Variants in SCN8A observed in about 807,000 individuals in gnomAD.
SCN8A encodes the protein sodium channel protein type 8 subunit alpha.
SCN8A carries 30 observed loss-of-function variants against 184.1 expected under a neutral mutation model. That is an observed-to-expected ratio of 0.16 (90% confidence interval 0.12 to 0.22). The LOEUF (loss-of-function observed/expected upper bound fraction) is 0.22. Among genes scored for constraint, SCN8A ranks in the 10% least tolerant of loss-of-function variants. The pLI is 1.00. For missense variants in SCN8A, 1,057 were observed against 2,498.9 expected (o/e 0.42, Z 12.30); for synonymous variants, 852 against 907.0 (o/e 0.94, Z 1.09).
intron 15 of SCN8A, 110 bp downstream of exon 15, chr12:51,762,786 C>A: frequency 2.0e-6 from 2 of 980,564 alleles, no homozygotes; most frequent in Non-Finnish European, 2.8e-6. Context: ...CTGTATTTTA[C>A]TCCCAATTCC....
chr12:51,769,624 C>T (rs974438717), intron 17 of SCN8A, among the ~76,000 whole-genome samples: 23 of 152,178 alleles, frequency 1.5e-4, no homozygotes, highest in Admixed American at 1.3e-3. Context: ...GCCCTGAAAC[C>T]AACCTATAGC....
intron 2 of SCN8A, among the ~76,000 whole-genome samples, chr12:51,674,402 G>A (rs910790318): frequency 1.3e-5 from 2 of 151,844 alleles, no homozygotes; most frequent in Non-Finnish European, 2.9e-5. Context: ...GCACAGTCTC[G>A]GCTCACTGCA....
At chr12:51,757,095 C>G (rs893415230) in intron 14 of SCN8A, among the ~76,000 whole-genome samples, 2 of 151,978 alleles carry the variant, frequency 1.3e-5, no homozygotes, top group Non-Finnish European at 2.9e-5. Flanking sequence ...TTGTTCTGTC[C>G]CCTCCTGGTT....
rs201402959 is a variant in SCN8A at position 51,705,431 on chromosome 12, C to A, written c.1149C>A (p.Ala383=). ...TGTCTTTGCAGACTTTACGAGCAGCCGGGAAAACATACATGATCTTCTTCG... is the reference window on the plus strand; with the variant it reads ...TGTCTTTGCAGACTTTACGAGCAGCAGGGAAAACATACATGATCTTCTTCG... ...ENLYQLTLRA[A]GKTYMIFFVL... Residue 383 remains alanine, a synonymous_variant, in exon 10 of 27, where the codon GCC becomes GCA. Coordinates refer to ENST00000627620, the MANE Select transcript of SCN8A (RefSeq NM_001330260.2). 1 of 1,613,786 alleles carries A rather than the reference C, an allele frequency of 6.2e-7. No individual in the cohort carries two copies. Among genetic ancestry groups the A allele is most frequent in the African/African-American group, 1.3e-5 (1 of 75,004 alleles).
chr12:51,662,388 G>C (rs1173282335), intron 1 of SCN8A, among the ~76,000 whole-genome samples: 1 of 152,134 alleles, frequency 6.6e-6, no homozygotes, highest in Admixed American at 6.5e-5. Context: ...AGGAAAGGAA[G>C]GTGACTTGAA....
At chr12:51,701,893 C>T (rs554493411) in intron 8 of SCN8A, among the ~76,000 whole-genome samples, 1 of 152,198 alleles carries the variant, frequency 6.6e-6, no homozygotes, top group African/African-American at 2.4e-5. Flanking sequence ...CATTTAATTT[C>T]TGTATTAGAC....
At chr12:51,746,114 G>A in intron 13 of SCN8A, 79 bp downstream of exon 13, 1 of 1,360,420 alleles carries the variant, frequency 7.4e-7, no homozygotes, top group South Asian at 2.0e-5. Context: ...CCTGTCCCTT[G>A]GTCTGAGTTT....
chr12:51,688,950 T>C, intron 5 of SCN8A, 55 bp from the exon 6 acceptor site: 1 of 1,580,268 alleles, frequency 6.3e-7, no homozygotes, highest in Non-Finnish European at 8.7e-7. Context: ...CTTTGGTGTT[T>C]GTGTTTGTGT....
intron 1 of SCN8A, among the ~76,000 whole-genome samples, chr12:51,645,183 C>T (rs1266270665): frequency 6.1e-5 from 9 of 147,024 alleles, no homozygotes; most frequent in East Asian, 2.1e-4. Context: ...CCCGGCCAGC[C>T]GCCCTGTCCG....
At position 51,637,803 on chromosome 12, in the gene SCN8A, C is replaced by T. The variant is rs536407642; in HGVS notation, c.-54-24961C>T. Among the ~76,000 whole-genome samples the T allele has an allele frequency of 1.6e-4, 25 of 152,242 alleles. 1 individual carries two copies. The highest frequency in any genetic ancestry group is 3.4e-3 in the Middle Eastern group (1 of 294). The stretch of plus-strand genomic sequence containing the variant: ...TCTAGCTAAGATCATTAATTGATGA[C>T]GGTGACCATACTAAACAATGGATTT... On this transcript the variant is annotated intron_variant, in intron 1 of 26. Coordinates refer to ENST00000627620, the MANE Select transcript of SCN8A (RefSeq NM_001330260.2).
chr12:51,736,544 A>AG (rs1478061491), intron 12 of SCN8A, among the ~76,000 whole-genome samples: 2 of 152,224 alleles, frequency 1.3e-5, no homozygotes, highest in African/African-American at 2.4e-5. Context: ...TTGAGACCAG[A>AG]GGCATTGACA....
chr12:51,633,960 C>G (rs1378207015), intron 1 of SCN8A, among the ~76,000 whole-genome samples: 2 of 152,176 alleles, frequency 1.3e-5, no homozygotes, highest in East Asian at 3.8e-4. Context: ...TCCTAGGTAT[C>G]TACCCAAGAG....
In SCN8A at chr12:51,736,210, G is replaced by A. The variant is rs148678394; in HGVS notation, c.1999-9693G>A. 3.2e-4 allele frequency among the ~76,000 whole-genome samples: 48 copies of A among 152,296 alleles called. No homozygotes were observed. The East Asian group carries it at 6.2e-3, about 20-fold the overall frequency. Reference sequence around the variant, plus strand: ...ATAGAGAAAAATGTAGCTAGAGCTTGGCTAGTATAGCCTGGGGCATTCTCT... The same window carrying A: ...ATAGAGAAAAATGTAGCTAGAGCTTAGCTAGTATAGCCTGGGGCATTCTCT... On this transcript the variant is annotated intron_variant, in intron 12 of 26. Coordinates refer to ENST00000627620, the MANE Select transcript of SCN8A (RefSeq NM_001330260.2).
chr12:51,768,769 C>CT (rs1942875791), intron 16 of SCN8A, 96 bp from the exon 17 acceptor site: 1 of 908,108 alleles, frequency 1.1e-6, no homozygotes, highest in Admixed American at 2.9e-5. Flanking sequence ...CTCTTTGAGT[C>CT]TGTCACGTGA....
At chr12:51,594,176 C>A (rs1338939887) in intron 1 of SCN8A, among the ~76,000 whole-genome samples, 1 of 152,202 alleles carries the variant, frequency 6.6e-6, no homozygotes, top group Non-Finnish European at 1.5e-5. Flanking sequence ...TATGGGAGAT[C>A]TTTGCTTTGA....
chr12:51,604,525 TTC>T lies in SCN8A; in HGVS notation c.-55+13167_-55+13168del, dbSNP rs1939541807. Reference sequence around the variant, plus strand: ...TTTTGTTTTTTTAACGGGTTTTTGTTTCGTTTTGTTTGGTTTTCTTTAGAGAT... The same window carrying T: ...TTTTGTTTTTTTAACGGGTTTTTGTTGTTTTGTTTGGTTTTCTTTAGAGAT... On this transcript the variant is annotated intron_variant, in intron 1 of 26. Transcript: ENST00000627620. 2.6e-5 allele frequency among the ~76,000 whole-genome samples: 4 copies of T among 152,100 alleles called. No individual in the cohort carries two copies. In the South Asian group the frequency reaches 8.3e-4, roughly 32 times the overall value.
chr12:51,618,180 G>A (rs879672760), intron 1 of SCN8A, among the ~76,000 whole-genome samples: 3 of 152,078 alleles, frequency 2.0e-5, no homozygotes, highest in Admixed American at 6.5e-5. Flanking sequence ...AGCAAGGGAG[G>A]CTTTCCTGTG....
intron 1 of SCN8A, among the ~76,000 whole-genome samples, chr12:51,621,541 G>A (rs1293106902): frequency 6.6e-6 from 1 of 152,224 alleles, no homozygotes; most frequent in Non-Finnish European, 1.5e-5. Context: ...AGCCTATGCA[G>A]TTATTTGGCC....
chr12:51,652,118 AG>A (rs1940727430), intron 1 of SCN8A, among the ~76,000 whole-genome samples: 1 of 152,044 alleles, frequency 6.6e-6, no homozygotes, highest in African/African-American at 2.4e-5. Context: ...CCTCAGACTC[AG>A]CATGTTCAAA....
Sources: gnomAD v4.1 joint callset for allele counts (sites outside exome capture counted in the v4.1 genomes callset) on GRCh38, gnomAD v4.1.1 for gene constraint, MANE v1.5 for transcripts, NCBI Gene and HGNC (gene_info 2026-07-23, HGNC 2026-07-21) for gene names.